CNTN1: variants seen among roughly 807,000 people sequenced by gnomAD.
The protein encoded by CNTN1 is contactin-1.
A neutral mutation model predicts 126.4 loss-of-function variants in CNTN1; 38 were observed. The observed-to-expected ratio is 0.30, with a 90% CI of 0.23 to 0.39. The LOEUF (loss-of-function observed/expected upper bound fraction) is 0.39. CNTN1 is among the 10% of genes least tolerant of loss of function. The pLI is 1.00. For synonymous variants in CNTN1, 413 were observed against 422.6 expected (o/e 0.98, Z 0.28); for missense variants, 1,009 against 1,248.4 (o/e 0.81, Z 2.89).
At chr12:40,857,797 C>T (rs986814410) in intron 1 of CNTN1, among the ~76,000 whole-genome samples, 25 of 152,084 alleles carry the variant, frequency 1.6e-4, no homozygotes, top group Non-Finnish European at 1.6e-4. Context: ...CAGAGATAGC[C>T]CAGGCCCTAA....
At chr12:40,929,438 C>T (rs1453467344) in intron 6 of CNTN1, among the ~76,000 whole-genome samples, 7 of 151,684 alleles carry the variant, frequency 4.6e-5, no homozygotes, top group African/African-American at 9.7e-5. Flanking sequence ...TCATGGCTTT[C>T]GAGTTATTAG....
chr12:40,970,520 C>T (rs1278151432), intron 15 of CNTN1, among the ~76,000 whole-genome samples: 2 of 151,934 alleles, frequency 1.3e-5, no homozygotes, highest in Non-Finnish European at 2.9e-5. Flanking sequence ...CTCCAGGGGG[C>T]AGTAGTGGCT....
Position 40,930,511 on chromosome 12 carries a change from T to A in CNTN1, c.703+509T>A, listed in dbSNP as rs148576583. On this transcript the variant is annotated intron_variant, in intron 7 of 23. Coordinates refer to ENST00000551295, the MANE Select transcript of CNTN1 (RefSeq NM_001843.4). Reference sequence around the variant, plus strand: ...ACATAATCAGCATGAGGTGCTACCCTGGTAGCACCATGGCAGATGACACTG... The same window carrying A: ...ACATAATCAGCATGAGGTGCTACCCAGGTAGCACCATGGCAGATGACACTG... Among the ~76,000 whole-genome samples the A allele has an allele frequency of 8.3e-4, 127 of 152,104 alleles. 1 individual carries two copies. Among genetic ancestry groups the A allele is most frequent in the Non-Finnish European group, 1.5e-3 (99 of 67,918 alleles).
At chr12:41,053,215 A>G (rs1397187650) in intron 23 of CNTN1, among the ~76,000 whole-genome samples, 1 of 151,194 alleles carries the variant, frequency 6.6e-6, no homozygotes, top group East Asian at 1.9e-4. Flanking sequence ...TCGTGACATT[A>G]TATAGTCTGA....
intron 3 of CNTN1, among the ~76,000 whole-genome samples, chr12:40,911,285 T>G (rs1343530118): frequency 6.6e-6 from 1 of 152,058 alleles, no homozygotes; most frequent in Non-Finnish European, 1.5e-5. Context: ...TTTCACCATA[T>G]TAGCCAGGAT....
At chr12:40,739,054 A>G (rs1416510819) in intron 1 of CNTN1, among the ~76,000 whole-genome samples, 2 of 152,086 alleles carry the variant, frequency 1.3e-5, no homozygotes, top group African/African-American at 4.8e-5. Flanking sequence ...CAAACCAGTT[A>G]AATCAGAAAT....
chr12:40,795,319 A>AT (rs369226167), intron 1 of CNTN1, among the ~76,000 whole-genome samples: 2 of 8,582 alleles, frequency 2.3e-4, no homozygotes, highest in Admixed American at 1.6e-3. Context: ...ACACACACAC[A>AT]TTTTTTTTTT....
chr12:40,908,695 T>C (rs926364376), intron 2 of CNTN1, among the ~76,000 whole-genome samples: 1 of 152,154 alleles, frequency 6.6e-6, no homozygotes, highest in Admixed American at 6.5e-5. Context: ...TCTTGGGTAA[T>C]AGTGTGCTGG....
chr12:40,727,848 G>C (rs1181023278), intron 1 of CNTN1, among the ~76,000 whole-genome samples: 2 of 152,220 alleles, frequency 1.3e-5, no homozygotes, highest in Non-Finnish European at 2.9e-5. Context: ...AAATCTGTAA[G>C]TAAGGGAAAT....
At chr12:40,943,768 A>T (rs751608678) in intron 13 of CNTN1, 44 bp downstream of exon 13, 16 of 1,604,316 alleles carry the variant, frequency 1.0e-5, no homozygotes, top group Non-Finnish European at 1.4e-5. Flanking sequence ...TGTATTAAAA[A>T]ACATGATTCA....
chr12:41,065,501 A>ATACC (rs1950031088), intron 23 of CNTN1, among the ~76,000 whole-genome samples: 1 of 152,256 alleles, frequency 6.6e-6, no homozygotes, highest in South Asian at 2.1e-4. Context: ...CAATCATGGA[A>ATACC]TACCATGCAG....
Position 40,692,480 on chromosome 12 carries a change from C to T in CNTN1, c.-189C>T, listed in dbSNP as rs11177830. On this transcript the variant is annotated 5_prime_UTR_variant, in exon 1 of 24. Transcript: ENST00000551295. The stretch of plus-strand genomic sequence containing the variant: ...GTAGCCAGGGTGGGCTCCGCCGAGG[C>T]GAGGAGGGGCGCCGGTGGGGAGATG... 6.6e-6 allele frequency: 1 copy of T among 152,588 alleles called. No homozygotes were observed. The highest frequency in any genetic ancestry group is 2.4e-5 in the African/African-American group (1 of 41,548). The allele number at this position is 152,588 out of a possible 1,614,324, so 9.5% of individuals were successfully genotyped here. A position where few individuals can be genotyped will look rare whatever the true frequency, so the allele number is the denominator to read the frequency against.
At chr12:40,981,184 T>C in intron 16 of CNTN1, 117 bp downstream of exon 16, 1 of 936,176 alleles carries the variant, frequency 1.1e-6, no homozygotes, top group Non-Finnish European at 1.6e-6. Context: ...CTTTCTTTCT[T>C]AAATTTTTTA....
chr12:40,846,215 C>T (rs1340125148), intron 1 of CNTN1, among the ~76,000 whole-genome samples: 2 of 152,158 alleles, frequency 1.3e-5, no homozygotes, highest in Admixed American at 1.3e-4. Flanking sequence ...TGGCTCACGC[C>T]TGTAATCCCA....
chr12:40,951,517 C>T (rs1186417343), intron 14 of CNTN1, among the ~76,000 whole-genome samples: 1 of 151,418 alleles, frequency 6.6e-6, no homozygotes, highest in African/African-American at 2.4e-5. Context: ...TAGAGAATTA[C>T]TGTTAATTAT....
chr12:40,737,546 G>A (rs989063477), intron 1 of CNTN1, among the ~76,000 whole-genome samples: 1 of 151,606 alleles, frequency 6.6e-6, no homozygotes, highest in Admixed American at 6.6e-5. Flanking sequence ...AGGCTGGGAG[G>A]CTAGGCCAGT....
chr12:40,888,628 A>G (rs2136719570), intron 1 of CNTN1, among the ~76,000 whole-genome samples: 1 of 152,176 alleles, frequency 6.6e-6, no homozygotes, highest in South Asian at 2.1e-4. Context: ...CAAAAAAAGG[A>G]AGTATATAGA....
At chr12:40,867,110 C>T (rs1289204671) in intron 1 of CNTN1, among the ~76,000 whole-genome samples, 1 of 152,166 alleles carries the variant, frequency 6.6e-6, no homozygotes, top group African/African-American at 2.4e-5. Context: ...TTCTAGTTAT[C>T]AAATATCTCT....
chr12:41,058,306 T>G (rs907283662), intron 23 of CNTN1, among the ~76,000 whole-genome samples: 6 of 152,102 alleles, frequency 3.9e-5, no homozygotes, highest in Non-Finnish European at 8.8e-5. Context: ...CTGTTTCCAC[T>G]GTCAAGATAA....
Sources: gnomAD v4.1 joint callset for allele counts (sites outside exome capture counted in the v4.1 genomes callset) on GRCh38, gnomAD v4.1.1 for gene constraint, MANE v1.5 for transcripts, NCBI Gene and HGNC (gene_info 2026-07-23, HGNC 2026-07-21) for gene names.